MALRD1: variants seen among roughly 807,000 people sequenced by gnomAD.
MALRD1 encodes the protein MAM and LDL receptor class A domain containing 1.
Under a neutral mutation model 242.1 loss-of-function variants are expected in MALRD1, and 247 were observed. The ratio of observed to expected loss-of-function variants is 1.02; its 90% CI spans 0.92 to 1.13. MALRD1 has a LOEUF of 1.13. Ranked by LOEUF, MALRD1 falls within the 50% of genes most tolerant of loss-of-function variation. MALRD1 has a pLI of 0.00. For missense variants in MALRD1, 2,989 were observed against 2,533.1 expected (o/e 1.18, Z -3.86); for synonymous variants, 995 against 866.6 (o/e 1.15, Z -2.60).
intron 26 of MALRD1, among the ~76,000 whole-genome samples, chr10:19,369,717 C>G (rs577143424): frequency 1.9e-4 from 29 of 151,430 alleles, no homozygotes; most frequent in African/African-American, 6.8e-4. Context: ...TAAGTACACA[C>G]ACACACACAC....
chr10:19,458,890 A>C (rs1007646276), intron 29 of MALRD1, among the ~76,000 whole-genome samples: 1 of 123,900 alleles, frequency 8.1e-6, no homozygotes, highest in African/African-American at 2.8e-5. Context: ...TGTATAGTTG[A>C]GTTATATATA....
intron 26 of MALRD1, among the ~76,000 whole-genome samples, chr10:19,359,623 C>T (rs1844800348): frequency 6.6e-6 from 1 of 151,504 alleles, no homozygotes; most frequent in African/African-American, 2.4e-5. Flanking sequence ...ATAAATGGCC[C>T]TAGAAGTTGA....
intron 28 of MALRD1, among the ~76,000 whole-genome samples, chr10:19,420,603 G>A (rs1378509368): frequency 6.6e-6 from 1 of 151,874 alleles, no homozygotes. Flanking sequence ...ATTTAATCAA[G>A]TTGCAACTAG....
At chr10:19,534,594 A>G (rs1834568980) in intron 32 of MALRD1, among the ~76,000 whole-genome samples, 1 of 152,170 alleles carries the variant, frequency 6.6e-6, no homozygotes. Context: ...TTCTTTTTCT[A>G]AGTAAAAAAC....
intron 28 of MALRD1, among the ~76,000 whole-genome samples, chr10:19,428,249 A>C (rs1196809219): frequency 6.6e-6 from 1 of 151,648 alleles, no homozygotes; most frequent in Non-Finnish European, 1.5e-5. Flanking sequence ...AATTAATTTC[A>C]TCAAAGGTTT....
chr10:19,286,459 A>T (rs1360265865), intron 21 of MALRD1, among the ~76,000 whole-genome samples: 2 of 152,158 alleles, frequency 1.3e-5, no homozygotes, highest in Non-Finnish European at 2.9e-5. Flanking sequence ...AGGTTTTAGC[A>T]TGAAGGTTGT....
Position 19,692,455 on chromosome 10 carries a change from C to T in MALRD1, c.6218-3C>T. Reference sequence around the variant, plus strand: ...TATCTTTTTCTTTGGTTTAAAATTCCAGATACATGGACTCTCCTGGGTATT... The same window carrying T: ...TATCTTTTTCTTTGGTTTAAAATTCTAGATACATGGACTCTCCTGGGTATT... On this transcript the variant is annotated splice_region_variant and splice_polypyrimidine_tract_variant and intron_variant, in intron 37 of 39. Transcript: ENST00000454679. The T allele has an allele frequency of 6.5e-7, 1 of 1,535,090 alleles. No individual in the cohort carries two copies. Among genetic ancestry groups the T allele is most frequent in the Non-Finnish European group, 8.7e-7 (1 of 1,146,128 alleles).
chr10:19,732,642 T>C (rs1156301817), intron 39 of MALRD1, among the ~76,000 whole-genome samples: 3 of 152,248 alleles, frequency 2.0e-5, no homozygotes, highest in Non-Finnish European at 4.4e-5. Context: ...GGAATTAAAG[T>C]GAGATCTTTT....
chr10:19,446,748 A>G (rs920541807), intron 28 of MALRD1, among the ~76,000 whole-genome samples: 2 of 152,220 alleles, frequency 1.3e-5, no homozygotes, highest in South Asian at 2.1e-4. Flanking sequence ...TAATTCTTCA[A>G]TATCTCTAAC....
rs548134683 is a variant in MALRD1 at position 19,730,236 on chromosome 10, A to G, written c.6315-470A>G. Among the ~76,000 whole-genome samples, 100 of 152,342 alleles carry G rather than the reference A, an allele frequency of 6.6e-4. 1 individual carries two copies. The highest frequency in any genetic ancestry group is 2.2e-3 in the African/African-American group (93 of 41,592). ...TTTGCTGATTAAAATGTTAAAGACT[A>G]TGACTCATGTGCTACAGATCTTTAT... On this transcript the variant is annotated intron_variant, in intron 38 of 39. Transcript: ENST00000454679.
At chr10:19,636,931 T>TG (rs1840161678) in intron 36 of MALRD1, among the ~76,000 whole-genome samples, 1 of 151,474 alleles carries the variant, frequency 6.6e-6, no homozygotes, top group Non-Finnish European at 1.5e-5. Context: ...TAGATTTTTT[T>TG]AAAAAATATG....
chr10:19,552,217 G>T (rs1272395207), intron 32 of MALRD1, among the ~76,000 whole-genome samples: 5 of 151,988 alleles, frequency 3.3e-5, no homozygotes, highest in Admixed American at 2.6e-4. Flanking sequence ...AATTAATCTG[G>T]TCCTAGGATT....
chr10:19,486,591 C>T (rs1432718230), intron 29 of MALRD1, among the ~76,000 whole-genome samples: 2 of 152,024 alleles, frequency 1.3e-5, no homozygotes, highest in African/African-American at 4.8e-5. Flanking sequence ...GGGATTACGC[C>T]CGTTTTAATA....
chr10:19,423,261 T>G (rs1295770859), intron 28 of MALRD1, among the ~76,000 whole-genome samples: 3 of 152,072 alleles, frequency 2.0e-5, no homozygotes, highest in Admixed American at 6.6e-5. Context: ...CAATCCTGTT[T>G]GCTCAGTTTG....
At chr10:19,175,634 C>T (rs1198596377) in intron 14 of MALRD1, among the ~76,000 whole-genome samples, 1 of 151,336 alleles carries the variant, frequency 6.6e-6, no homozygotes, top group Non-Finnish European at 1.5e-5. Flanking sequence ...TTTAAATACA[C>T]TTTTATAAAT....
intron 38 of MALRD1, among the ~76,000 whole-genome samples, chr10:19,718,085 TAGAAGAAGAAGAAGAGGAAGAGGAAGA>T (rs1834486882): frequency 9.5e-6 from 1 of 105,674 alleles, no homozygotes; most frequent in Admixed American, 1.0e-4. Flanking sequence ...GAGGAATAAG[TAGAAGAAGAAGAAGAGGAAGAGGAAGA>T]AGAAGAAGAA....
intron 36 of MALRD1, among the ~76,000 whole-genome samples, chr10:19,619,415 C>T (rs1457498062): frequency 1.3e-5 from 2 of 151,990 alleles, no homozygotes; most frequent in Non-Finnish European, 2.9e-5. Context: ...CTAAAAAATG[C>T]ATTTCCAGTA....
At chr10:19,225,560 A>T (rs1837764943) in intron 18 of MALRD1, among the ~76,000 whole-genome samples, 1 of 152,106 alleles carries the variant, frequency 6.6e-6, no homozygotes, top group Non-Finnish European at 1.5e-5. Context: ...TATCATTAGC[A>T]TGTATTATTA....
At chr10:19,193,884 A>T (rs943309126) in intron 14 of MALRD1, among the ~76,000 whole-genome samples, 1 of 151,968 alleles carries the variant, frequency 6.6e-6, no homozygotes, top group African/African-American at 2.4e-5. Context: ...TGCAAAGACA[A>T]TATAAATAAA....
Sources: gnomAD v4.1 joint callset for allele counts (sites outside exome capture counted in the v4.1 genomes callset) on GRCh38, gnomAD v4.1.1 for gene constraint, MANE v1.5 for transcripts, NCBI Gene and HGNC (gene_info 2026-07-23, HGNC 2026-07-21) for gene names.